Variants in CCDC13 observed in about 807,000 individuals in gnomAD.
The protein encoded by CCDC13 is coiled-coil domain containing 13.
Under a neutral mutation model 87.3 loss-of-function variants are expected in CCDC13, and 70 were observed. The observed-to-expected ratio is 0.80, with a 90% confidence interval of 0.66 to 0.98. CCDC13 has a LOEUF of 0.98. CCDC13 is among the 50% of genes least tolerant of loss of function. The probability of loss-of-function intolerance (pLI) is 0.00; values close to 1 mark genes in which losing one functional copy is unlikely to be tolerated. For missense variants in CCDC13, 842 were observed against 892.0 expected (o/e 0.94, Z 0.71); for synonymous variants, 317 against 360.3 (o/e 0.88, Z 1.36).
At chr3:42,750,299 G>A (rs1466267426) in intron 5 of CCDC13, among the ~76,000 whole-genome samples, 1 of 152,010 alleles carries the variant, frequency 6.6e-6, no homozygotes, top group Non-Finnish European at 1.5e-5. Flanking sequence ...GCCCTCCTCC[G>A]TCCCACCTTC....
chr3:42,712,695 C>T (rs1383812216), intron 14 of CCDC13, among the ~76,000 whole-genome samples: 1 of 152,198 alleles, frequency 6.6e-6, no homozygotes, highest in Non-Finnish European at 1.5e-5. Flanking sequence ...AGCCACAAAA[C>T]AGAGGGAGCT....
chr3:42,709,341 C>A (rs1291472672), intron 15 of CCDC13, among the ~76,000 whole-genome samples: 1 of 152,230 alleles, frequency 6.6e-6, no homozygotes, highest in African/African-American at 2.4e-5. Context: ...TGTAAGCTAC[C>A]TCAAGGCCCC....
chr3:42,730,360 T>G, intron 13 of CCDC13, 107 bp downstream of exon 13: 2 of 1,480,280 alleles, frequency 1.4e-6, no homozygotes, highest in Non-Finnish European at 1.8e-6. Context: ...GGACCAACAC[T>G]GGGAGCCGAG....
chr3:42,743,014 G>C lies in CCDC13; in HGVS notation c.869C>G (p.Ser290Cys). 1.2e-6 allele frequency: 2 copies of C among 1,614,166 alleles called. No individual in the cohort carries two copies. Among genetic ancestry groups the C allele is most frequent in the African/African-American group, 2.7e-5 (2 of 75,042 alleles). Residue 290 changes from serine to cysteine, a missense_variant, in exon 8 of 16, where the codon TCT becomes TGT. Physicochemically the swap from Ser to Cys is moderately radical, Grantham distance 112. Coordinates refer to ENST00000310232, the MANE Select transcript of CCDC13 (RefSeq NM_144719.4). ...EKQLGQARSQ[S>C]AGTASDELSV... ...CAACTCATCACTGGCTGTTCCCGCA[G>C]ACTGGCTCCGGGCCTGGCCCAATTG... is the stretch of plus-strand genomic sequence containing the variant.
rs528320181 is a variant in CCDC13 at position 42,721,345 on chromosome 3, AG to A, written c.1719-8030del. On this transcript the variant is annotated intron_variant, in intron 13 of 15. Transcript: ENST00000310232. ...ACTTTGACAGATGTTCTTGAATGCA[AG>A]TTTCTGATAACTTTGGAAATTGTAA... Among the ~76,000 whole-genome samples the A allele has an allele frequency of 4.9e-3, 745 of 152,322 alleles. 7 individuals carry two copies. Among genetic ancestry groups the A allele is most frequent in the African/African-American group, 0.017 (718 of 41,568 alleles).
rs764485981 is a variant in CCDC13 at position 42,746,019 on chromosome 3, G to A, written c.729C>T (p.Ala243=). Residue 243 remains alanine (A), a synonymous_variant, in exon 7 of 16, where the codon GCC becomes GCT. Coordinates refer to ENST00000310232, the MANE Select transcript of CCDC13 (RefSeq NM_144719.4). The part of the protein sequence containing the change: ...QELRMAQKVL[A]REVGEDINVQ... The stretch of plus-strand genomic sequence containing the variant: ...CGTTGATGTCTTCCCCAACCTCTCT[G>A]GCCAAAACCTGAAATAAGGCAGGGC... 6.2e-7 allele frequency: 1 copy of A among 1,613,916 alleles called. No individual in the cohort carries two copies. Among genetic ancestry groups the A allele is most frequent in the Admixed American group, 1.7e-5 (1 of 60,008 alleles).
At chr3:42,720,046 A>G (rs1698524446) in intron 13 of CCDC13, among the ~76,000 whole-genome samples, 1 of 152,250 alleles carries the variant, frequency 6.6e-6, no homozygotes, top group Non-Finnish European at 1.5e-5. Context: ...TACATTTACT[A>G]AATTCTTTAA....
intron 4 of CCDC13, 45 bp downstream of exon 4, chr3:42,752,530 A>G (rs773152997): frequency 6.2e-7 from 1 of 1,611,268 alleles, no homozygotes; most frequent in Non-Finnish European, 8.5e-7. Flanking sequence ...CCTCTTGCCC[A>G]TGCTAGGAGT....
intron 13 of CCDC13, among the ~76,000 whole-genome samples, chr3:42,717,350 C>T (rs1026210388): frequency 7.4e-5 from 11 of 148,968 alleles, no homozygotes; most frequent in South Asian, 6.3e-4. Flanking sequence ...TGCTTGAATC[C>T]GGGAGGCAGA....
Position 42,751,927 on chromosome 3 carries a change from A to T in CCDC13, c.603+9T>A, listed in dbSNP as rs1699591005. On this transcript the variant is annotated intron_variant, in intron 5 of 15. Transcript: ENST00000310232. ...TCACAGACTTCCCAGCACAGAAGAG[A>T]ATTCATACCAATGCTCTGTCTCCCA... The T allele has an allele frequency of 6.2e-7, 1 of 1,610,376 alleles. No homozygotes were observed. The highest frequency in any genetic ancestry group is 1.1e-5 in the South Asian group (1 of 91,060).
At chr3:42,754,854 C>T (rs997402950) in intron 3 of CCDC13, among the ~76,000 whole-genome samples, 2 of 152,048 alleles carry the variant, frequency 1.3e-5, no homozygotes, top group East Asian at 1.9e-4. Context: ...TATTCTTTCC[C>T]AACCCTGTCT....
At chr3:42,726,685 TATAC>T (rs1342930345) in intron 13 of CCDC13, among the ~76,000 whole-genome samples, 6 of 151,948 alleles carry the variant, frequency 3.9e-5, no homozygotes, top group African/African-American at 9.7e-5. Flanking sequence ...ATACTTTACA[TATAC>T]ATACATACAA....
downstream of CCDC13, chr3:42,704,557 G>C (rs1052074062): frequency 6.6e-6 from 1 of 152,328 alleles, no homozygotes; most frequent in Non-Finnish European, 1.5e-5. Flanking sequence ...CTGACCCCCA[G>C]AGGCCCAGAA....
chr3:42,755,762 T>C (rs1468333515), intron 3 of CCDC13, among the ~76,000 whole-genome samples: 4 of 152,182 alleles, frequency 2.6e-5, no homozygotes, highest in African/African-American at 9.7e-5. Flanking sequence ...CACAACCAAG[T>C]CTGGGCTTTG....
At chr3:42,743,137 C>T (rs1699274531) in intron 7 of CCDC13, 80 bp from the exon 8 acceptor site, 31 of 1,530,760 alleles carry the variant, frequency 2.0e-5, no homozygotes, top group Non-Finnish European at 2.6e-5. Context: ...GGAGACCCCA[C>T]AGACTGAAGA....
intron 1 of CCDC13, among the ~76,000 whole-genome samples, chr3:42,762,982 T>A (rs1699864433): frequency 6.6e-6 from 1 of 152,134 alleles, no homozygotes; most frequent in Non-Finnish European, 1.5e-5. Flanking sequence ...ACAAATCAAA[T>A]TTAACAGAAT....
intron 1 of CCDC13, among the ~76,000 whole-genome samples, chr3:42,769,946 C>T (rs1559667277): frequency 6.6e-6 from 1 of 152,256 alleles, no homozygotes; most frequent in African/African-American, 2.4e-5. Flanking sequence ...GCCTGAGCCT[C>T]CCCCTGCCAC....
At chr3:42,754,255 G>A (rs1424264248) in intron 3 of CCDC13, among the ~76,000 whole-genome samples, 3 of 152,282 alleles carry the variant, frequency 2.0e-5, no homozygotes, top group Admixed American at 1.3e-4. Context: ...CAGCCTGGGC[G>A]AGGCAGTGAG....
intron 7 of CCDC13, among the ~76,000 whole-genome samples, chr3:42,743,729 C>T (rs1480878152): frequency 6.6e-6 from 1 of 151,348 alleles, no homozygotes; most frequent in Non-Finnish European, 1.5e-5. Context: ...TGAACTTGAA[C>T]TCCTGGGCTC....
Sources: allele counts gnomAD v4.1 joint callset (sites outside exome capture counted in the v4.1 genomes callset), GRCh38; gene constraint gnomAD v4.1.1; transcripts MANE v1.5; gene names NCBI Gene and HGNC (gene_info 2026-07-23, HGNC 2026-07-21).